The following ERI1 variants were observed in gnomAD, a reference collection of about 807,000 sequenced individuals.
ERI1 encodes exoribonuclease 1.
Under a neutral mutation model 39.7 loss-of-function variants are expected in ERI1, and 39 were observed. That is an observed-to-expected ratio of 0.98 (90% CI 0.76 to 1.28). The LOEUF (loss-of-function observed/expected upper bound fraction) is 1.28, where lower values mean the gene tolerates loss of function less well. Ranked by LOEUF, ERI1 falls within the 50% of genes most tolerant of loss-of-function variation. The probability of loss-of-function intolerance (pLI) is 0.00; values close to 1 mark genes in which losing one functional copy is unlikely to be tolerated. For missense variants in ERI1, 581 were observed against 416.9 expected (o/e 1.39, Z -3.43); for synonymous variants, 204 against 149.6 (o/e 1.36, Z -2.65).
chr8:9,064,615 T>C (rs1212961029), intron 3 of ERI1, among the ~76,000 whole-genome samples: 3 of 151,470 alleles, frequency 2.0e-5, no homozygotes, highest in South Asian at 2.1e-4. Flanking sequence ...GTGAGAGAGG[T>C]TGGAGAAGAG....
chr8:9,015,410 T>A lies in ERI1; in HGVS notation c.499-912T>A, dbSNP rs111994637. On this transcript the variant is annotated intron_variant, in intron 3 of 6. Coordinates refer to ENST00000250263, the MANE Select transcript of ERI1 (RefSeq NM_153332.4). Reference sequence around the variant, plus strand: ...TCAGTGTGTTCTGGTTAGGGAGGCATTACTGGCTAGAGGAAAAAGCACTTA... The same window carrying A: ...TCAGTGTGTTCTGGTTAGGGAGGCAATACTGGCTAGAGGAAAAAGCACTTA... 8.5e-3 allele frequency among the ~76,000 whole-genome samples: 1,292 copies of A among 152,224 alleles called. 30 individuals carry two copies. In the South Asian group the frequency reaches 0.092, roughly 11 times the overall value.
intron 3 of ERI1, among the ~76,000 whole-genome samples, chr8:9,046,693 C>G (rs568848917): frequency 6.6e-6 from 1 of 152,334 alleles, no homozygotes; most frequent in South Asian, 2.1e-4. Flanking sequence ...AACACCTTTA[C>G]TATTGAGTCT....
intron 3 of ERI1, among the ~76,000 whole-genome samples, chr8:9,058,992 T>C (rs3989378): frequency 8.6e-5 from 13 of 152,014 alleles, no homozygotes; most frequent in South Asian, 8.3e-4. Context: ...TGGGTACAGG[T>C]GGGCTGAGTC....
At chr8:9,098,992 A>T (rs1799966628) in intron 3 of ERI1, among the ~76,000 whole-genome samples, 1 of 151,518 alleles carries the variant, frequency 6.6e-6, no homozygotes, top group Non-Finnish European at 1.5e-5. Flanking sequence ...CCCCCACCAC[A>T]TCCGGCTAAT....
At chr8:9,045,088 T>C (rs184140035) in intron 3 of ERI1, among the ~76,000 whole-genome samples, 9 of 151,774 alleles carry the variant, frequency 5.9e-5, no homozygotes, top group East Asian at 1.9e-4. Flanking sequence ...TACAAAAAAT[T>C]AGCTGGGCGT....
intron 3 of ERI1, among the ~76,000 whole-genome samples, chr8:9,045,690 T>G (rs1485064873): frequency 1.3e-5 from 2 of 151,352 alleles, no homozygotes; most frequent in East Asian, 3.9e-4. Context: ...TTTTTTTTTT[T>G]TTTTGAGATG....
At position 9,089,738 on chromosome 8, in the gene ERI1, G is replaced by A. The variant is rs113978551; in HGVS notation, n.300-26610G>A. On this transcript the variant is annotated intron_variant and non_coding_transcript_variant, in intron 3 of 3. Transcript: ENST00000518663. Reference sequence around the variant, plus strand: ...ATGACGAGGTTTGTGTAGCCGGAGCGATGCCTTGGGTTTTTGTTGTTTCCC... The same window carrying A: ...ATGACGAGGTTTGTGTAGCCGGAGCAATGCCTTGGGTTTTTGTTGTTTCCC... Among the ~76,000 whole-genome samples the A allele has an allele frequency of 7.1e-3, 1,087 of 152,280 alleles. 9 individuals carry two copies. Among genetic ancestry groups the A allele is most frequent in the Non-Finnish European group, 9.8e-3 (670 of 68,032 alleles).
Position 9,075,765 on chromosome 8 carries a change from C to T in ERI1, n.300-40583C>T, listed in dbSNP as rs186503409. On this transcript the variant is annotated intron_variant and non_coding_transcript_variant, in intron 3 of 3. Coordinates refer to the ERI1 transcript ENST00000518663. ...ACCCAGAGGTTAACTATTAGGTTTA[C>T]TATTACAGTGAAAGGGAAAAATAAT... 4.6e-5 allele frequency among the ~76,000 whole-genome samples: 7 copies of T among 152,176 alleles called. No individual in the cohort carries two copies. The East Asian group carries it at 9.6e-4, about 21-fold the overall frequency.
intron 3 of ERI1, among the ~76,000 whole-genome samples, chr8:9,083,374 A>G (rs1799427255): frequency 6.6e-6 from 1 of 152,174 alleles, no homozygotes; most frequent in African/African-American, 2.4e-5. Context: ...TAACAAGAGA[A>G]AGCATACCAT....
At chr8:9,074,594 A>G (rs1027183736) in intron 3 of ERI1, among the ~76,000 whole-genome samples, 20 of 151,846 alleles carry the variant, frequency 1.3e-4, no homozygotes, top group Admixed American at 5.2e-4. Flanking sequence ...GGTATATACT[A>G]TTATGCCCAG....
At chr8:9,022,749 A>T (rs971559248) in intron 6 of ERI1, among the ~76,000 whole-genome samples, 14 of 152,166 alleles carry the variant, frequency 9.2e-5, no homozygotes, top group African/African-American at 2.6e-4. Context: ...GAATTTTTTT[A>T]AAAATTGTGT....
intron 6 of ERI1, among the ~76,000 whole-genome samples, chr8:9,025,789 TG>T (rs1033298595): frequency 3.3e-5 from 5 of 151,700 alleles, no homozygotes; most frequent in Non-Finnish European, 5.9e-5. Context: ...CCAGAAGAAA[TG>T]TTTGAGATTT....
chr8:9,016,303 TGCTATCCTTC>T lies in ERI1; in HGVS notation c.499-18_499-9del. 1 of 1,533,496 alleles carries T rather than the reference TGCTATCCTTC, an allele frequency of 6.5e-7. No individual in the cohort carries two copies. The highest frequency in any genetic ancestry group is 8.9e-7 in the Non-Finnish European group (1 of 1,119,332). The allele number at this position is 1,533,496 out of a possible 1,614,324, so 95.0% of individuals were successfully genotyped here. A position where few individuals can be genotyped will look rare whatever the true frequency, so the allele number is the denominator to read the frequency against. ...TTAACTCATATAAATTACTTTAACT[TGCTATCCTTC>T]CCTTGCAGGAAGACACGTTTCAGCA... is the stretch of plus-strand genomic sequence containing the variant. On this transcript the variant is annotated splice_polypyrimidine_tract_variant and intron_variant, in intron 3 of 6. Coordinates refer to ENST00000250263, the MANE Select transcript of ERI1 (RefSeq NM_153332.4).
At chr8:9,027,747 C>T (rs1016096196) in intron 6 of ERI1, among the ~76,000 whole-genome samples, 2 of 152,094 alleles carry the variant, frequency 1.3e-5, no homozygotes, top group African/African-American at 4.8e-5. Context: ...TGTTTTTTCC[C>T]CATTGATTCA....
chr8:9,027,398 C>G (rs992397377), intron 6 of ERI1, among the ~76,000 whole-genome samples: 1 of 152,080 alleles, frequency 6.6e-6, no homozygotes, highest in African/African-American at 2.4e-5. Flanking sequence ...AATTCATTAT[C>G]AGATATATAC....
chr8:9,031,727 C>T lies in ERI1; in HGVS notation c.*1693C>T, dbSNP rs1180458748. On this transcript the variant is annotated 3_prime_UTR_variant, in exon 7 of 7. Transcript: ENST00000250263. ...CTCATGTTGTATTTCTTTTTAAGAACTTCAACATTATAAGCTCTCAGTACC... is the reference window on the plus strand; with the variant it reads ...CTCATGTTGTATTTCTTTTTAAGAATTTCAACATTATAAGCTCTCAGTACC... 6.6e-6 allele frequency: 1 copy of T among 152,158 alleles called. No individual in the cohort carries two copies. The highest frequency in any genetic ancestry group is 6.6e-5 in the Admixed American group (1 of 15,264). The allele number at this position is 152,158 out of a possible 1,614,324, so 9.4% of individuals were successfully genotyped here.
intron 3 of ERI1, among the ~76,000 whole-genome samples, chr8:9,065,588 G>A (rs577847073): frequency 1.3e-5 from 2 of 151,656 alleles, no homozygotes; most frequent in Admixed American, 6.6e-5. Context: ...CCAGCTACTC[G>A]GGAGGCTGAG....
intron 3 of ERI1, among the ~76,000 whole-genome samples, chr8:9,061,650 A>T (rs1273384635): frequency 2.6e-5 from 4 of 152,218 alleles, no homozygotes; most frequent in African/African-American, 9.6e-5. Context: ...TGGGAAGGAA[A>T]GGAGTTGTTG....
chr8:9,038,006 T>C (rs539991856), downstream of ERI1, among the ~76,000 whole-genome samples: 3 of 152,070 alleles, frequency 2.0e-5, no homozygotes, highest in East Asian at 5.8e-4. Flanking sequence ...AAGTACTCCC[T>C]AATACTTGAA....
Sources: allele counts gnomAD v4.1 joint callset (sites outside exome capture counted in the v4.1 genomes callset), GRCh38; gene constraint gnomAD v4.1.1; transcripts MANE v1.5; gene names NCBI Gene and HGNC (gene_info 2026-07-23, HGNC 2026-07-21).